The following TENM3 variants were observed in gnomAD, a reference collection of about 807,000 sequenced individuals.
TENM3 encodes the protein teneurin-3.
TENM3 carries 63 observed loss-of-function variants against 255.1 expected under a neutral mutation model. The ratio of observed to expected loss-of-function variants is 0.25; its 90% confidence interval spans 0.20 to 0.30. TENM3 has a LOEUF of 0.30. TENM3 is among the 10% of genes least tolerant of loss of function. The probability of loss-of-function intolerance (pLI) is 1.00; values close to 1 mark genes in which losing one functional copy is unlikely to be tolerated. For missense variants in TENM3, 2,929 were observed against 3,461.1 expected, an observed-to-expected ratio of 0.85 and a Z score of 3.86; for synonymous variants, 1,306 against 1,322.3, an observed-to-expected ratio of 0.99 and a Z score of 0.27.
At chr4:182,657,532 C>T (rs1753857054) in intron 6 of TENM3, among the ~76,000 whole-genome samples, 1 of 152,160 alleles carries the variant, frequency 6.6e-6, no homozygotes, top group Non-Finnish European at 1.5e-5. Flanking sequence ...CTACTGATAC[C>T]ATCCAGTCAA....
At position 182,688,139 on chromosome 4, in the gene TENM3, G is replaced by T. The variant is rs367707505; in HGVS notation, c.2036-27G>T. ...CTCTCTCCCGCCACTCTTCTCTCCT[G>T]TTTTGTGTCCTCTTCCTCCCACATA... is the stretch of plus-strand genomic sequence containing the variant. On this transcript the variant is annotated intron_variant, in intron 11 of 27. Transcript: ENST00000511685. 1.4e-5 allele frequency: 22 copies of T among 1,559,618 alleles called. No homozygotes were observed. In the African/African-American group the frequency reaches 2.5e-4, roughly 17 times the overall value.
At chr4:182,726,336 G>A (rs1013376473) in intron 13 of TENM3, among the ~76,000 whole-genome samples, 3 of 105,864 alleles carry the variant, frequency 2.8e-5, no homozygotes, top group Non-Finnish European at 4.1e-5. Context: ...AAGGGAATAC[G>A]TTTCTATAAC....
intron 1 of TENM3, among the ~76,000 whole-genome samples, chr4:182,277,144 G>A (rs891621244): frequency 4.6e-5 from 7 of 152,214 alleles, no homozygotes; most frequent in Non-Finnish European, 1.0e-4. Context: ...TAAAGAAAAA[G>A]CATAAACCAG....
At chr4:182,302,337 G>C (rs1761899567) in intron 1 of TENM3, among the ~76,000 whole-genome samples, 1 of 152,146 alleles carries the variant, frequency 6.6e-6, no homozygotes, top group African/African-American at 2.4e-5. Flanking sequence ...AGATGCTTCT[G>C]TGATCTGGAC....
chr4:182,561,714 G>A (rs1743200795), intron 3 of TENM3, among the ~76,000 whole-genome samples: 1 of 151,950 alleles, frequency 6.6e-6, no homozygotes, highest in African/African-American at 2.4e-5. Flanking sequence ...CTATAGAATA[G>A]TTATGTAAGG....
intron 3 of TENM3, among the ~76,000 whole-genome samples, chr4:182,592,148 A>G (rs1746721044): frequency 7.2e-6 from 1 of 139,530 alleles, no homozygotes; most frequent in Non-Finnish European, 1.5e-5. Context: ...TTTTTTTTAC[A>G]TCTGCAACAG....
chr4:182,690,132 A>G (rs1024830618), intron 12 of TENM3, among the ~76,000 whole-genome samples: 1 of 151,810 alleles, frequency 6.6e-6, no homozygotes, highest in African/African-American at 2.4e-5. Flanking sequence ...CAGCCCGCCA[A>G]AATCCTGCAG....
At chr4:181,637,872 A>T in the TENM3 span, among the ~76,000 whole-genome samples, 1 of 152,294 alleles carries the variant, frequency 6.6e-6, no homozygotes, top group Non-Finnish European at 1.5e-5. Flanking sequence ...AGAAATAAAT[A>T]ATTTCTGAGT....
chr4:181,953,213 G>A, the TENM3 span, among the ~76,000 whole-genome samples: 9 of 151,742 alleles, frequency 5.9e-5, no homozygotes, highest in African/African-American at 2.2e-4. Context: ...TCCATGAAGT[G>A]GATGCTCTTA....
chr4:181,467,147 T>TTTTTTTTTTTTTG, the TENM3 span, among the ~76,000 whole-genome samples: 1 of 113,006 alleles, frequency 8.8e-6, no homozygotes, highest in African/African-American at 3.8e-5. Context: ...TTTTTTTTTT[T>TTTTTTTTTTTTTG]TAGGCAGAGT....
chr4:182,194,990 G>A (rs2149801481), intron 1 of TENM3, among the ~76,000 whole-genome samples: 1 of 150,606 alleles, frequency 6.6e-6, no homozygotes, highest in East Asian at 2.0e-4. Context: ...ATCACTGCAA[G>A]GCTTATGAAA....
the TENM3 span, among the ~76,000 whole-genome samples, chr4:182,022,788 A>G: frequency 6.6e-6 from 1 of 152,190 alleles, no homozygotes; most frequent in Non-Finnish European, 1.5e-5. Context: ...AAACAACATC[A>G]TGAAATGTCA....
upstream of TENM3, among the ~76,000 whole-genome samples, chr4:182,239,557 T>G (rs1018135962): frequency 6.6e-6 from 1 of 152,200 alleles, no homozygotes; most frequent in Non-Finnish European, 1.5e-5. Flanking sequence ...TTTGACATTG[T>G]CATACAAATA....
chr4:181,473,799 A>G, the TENM3 span, among the ~76,000 whole-genome samples: 1 of 148,642 alleles, frequency 6.7e-6, no homozygotes, highest in African/African-American at 2.5e-5. Flanking sequence ...GTGTACCCAC[A>G]TATATGTATA....
the TENM3 span, among the ~76,000 whole-genome samples, chr4:181,807,442 C>T: frequency 1.3e-5 from 2 of 152,240 alleles, no homozygotes; most frequent in Non-Finnish European, 2.9e-5. Context: ...CAACCTCCGC[C>T]TCCCGGGTTC....
chr4:182,221,822 A>G (rs572054128), intron 1 of TENM3, among the ~76,000 whole-genome samples: 5 of 152,350 alleles, frequency 3.3e-5, no homozygotes, highest in South Asian at 2.1e-4. Flanking sequence ...TCTTCGGCAC[A>G]TATTGTATGC....
chr4:181,531,547 G>A, the TENM3 span, among the ~76,000 whole-genome samples: 298 of 152,250 alleles, frequency 2.0e-3, 3 homozygotes, highest in African/African-American at 6.8e-3. Context: ...GAACTGTAAC[G>A]AATTATTTAT....
At chr4:181,916,944 C>T in the TENM3 span, among the ~76,000 whole-genome samples, 1 of 152,042 alleles carries the variant, frequency 6.6e-6, no homozygotes, top group African/African-American at 2.4e-5. Context: ...GTCTAAGTAA[C>T]TTGAGAGGCC....
chr4:181,839,831 T>C, the TENM3 span, among the ~76,000 whole-genome samples: 1 of 151,982 alleles, frequency 6.6e-6, no homozygotes, highest in Non-Finnish European at 1.5e-5. Flanking sequence ...TTGTCTTTAG[T>C]ATCTTGCAGT....
Sources: allele counts gnomAD v4.1 joint callset (sites outside exome capture counted in the v4.1 genomes callset), GRCh38; gene constraint gnomAD v4.1.1; transcripts MANE v1.5; gene names NCBI Gene and HGNC (gene_info 2026-07-23, HGNC 2026-07-21).